The following HAT1 variants were observed in gnomAD, a reference collection of about 807,000 sequenced individuals.
HAT1 encodes the protein histone acetyltransferase type B catalytic subunit.
HAT1 carries 20 observed loss-of-function variants against 56.6 expected under a neutral mutation model. The observed-to-expected ratio is 0.35, with a 90% confidence interval of 0.25 to 0.51. The LOEUF is 0.51. Ranked by LOEUF, HAT1 falls within the 20% of genes least tolerant of loss-of-function variation. The pLI is 0.95. For synonymous variants in HAT1, 146 were observed against 165.5 expected, an observed-to-expected ratio of 0.88 and a Z score of 0.91; for missense variants, 408 against 504.3, an observed-to-expected ratio of 0.81 and a Z score of 1.83.
chr2:171,966,903 A>T lies in HAT1; in HGVS notation c.777A>T (p.Thr259=), dbSNP rs1330018447. ...GCCATGGTGCTCAACTTCTTGAAAC[A>T]GTTCATAGATACTACACTGAATTTC... The part of the protein sequence containing the change: ...GQGHGAQLLE[T]VHRYYTEFPT... The change falls in exon 8 of 11, where the codon ACA becomes ACT. Residue 259 remains threonine (T), a synonymous_variant. Coordinates refer to ENST00000264108, the MANE Select transcript of HAT1 (RefSeq NM_003642.4). The T allele has an allele frequency of 1.3e-6, 2 of 1,591,386 alleles. No individual in the cohort carries two copies. Among genetic ancestry groups the T allele is most frequent in the Non-Finnish European group, 1.7e-6 (2 of 1,159,860 alleles).
chr2:171,941,901 A>AT (rs539190594), intron 2 of HAT1, among the ~76,000 whole-genome samples: 4 of 151,566 alleles, frequency 2.6e-5, no homozygotes, highest in Admixed American at 1.3e-4. Flanking sequence ...AGTGACATAG[A>AT]TTTTTTTTGT....
intron 2 of HAT1, among the ~76,000 whole-genome samples, chr2:171,935,954 A>T (rs955890971): frequency 6.6e-6 from 1 of 152,150 alleles, no homozygotes; most frequent in Non-Finnish European, 1.5e-5. Context: ...TGATGGTAAG[A>T]TGGTACAATG....
Position 171,943,230 on chromosome 2 carries a change from C to T in HAT1, c.113-3478C>T, listed in dbSNP as rs1221832874. 6.0e-5 allele frequency among the ~76,000 whole-genome samples: 9 copies of T among 150,700 alleles called. No homozygotes were observed. In the South Asian group the frequency reaches 6.3e-4, roughly 11 times the overall value. On this transcript the variant is annotated intron_variant, in intron 2 of 10. Transcript: ENST00000264108. ...CAGCCTGGCCAACATGGTGAAACCC[C>T]GTCTCTACTAAAAATACAAAAATTA...
At chr2:171,942,160 C>T (rs1287249102) in intron 2 of HAT1, among the ~76,000 whole-genome samples, 2 of 152,192 alleles carry the variant, frequency 1.3e-5, no homozygotes, top group Non-Finnish European at 2.9e-5. Flanking sequence ...CTGCCTTGGC[C>T]TCCCAAAGTG....
chr2:171,933,858 T>G (rs1686802355), intron 2 of HAT1, among the ~76,000 whole-genome samples: 7 of 152,192 alleles, frequency 4.6e-5, no homozygotes, highest in Admixed American at 4.6e-4. Context: ...CACTGAAAAA[T>G]AATTTATAGT....
At chr2:171,955,994 G>T (rs143663792) in intron 4 of HAT1, among the ~76,000 whole-genome samples, 3,257 of 151,856 alleles carry the variant, frequency 0.021, 57 homozygotes, top group Middle Eastern at 0.037. Context: ...GCGGTGAGCC[G>T]ATATCGCGCC....
At chr2:171,954,586 T>C (rs1687395110) in intron 4 of HAT1, among the ~76,000 whole-genome samples, 1 of 152,078 alleles carries the variant, frequency 6.6e-6, no homozygotes. Context: ...CTCGGGAGGC[T>C]AAGGCAGGAG....
At position 171,970,435 on chromosome 2, in the gene HAT1, A is replaced by G. The variant is rs550208083; in HGVS notation, c.823+3486A>G. Among the ~76,000 whole-genome samples the G allele has an allele frequency of 2.7e-5, 4 of 146,536 alleles. No individual in the cohort carries two copies. In the East Asian group the frequency reaches 8.5e-4, roughly 31 times the overall value. ...CACACAGATTCACACACACATACAC[A>G]CACACAGCCATACACACATACACTA... On this transcript the variant is annotated intron_variant, in intron 8 of 10. Coordinates refer to ENST00000264108, the MANE Select transcript of HAT1 (RefSeq NM_003642.4).
intron 6 of HAT1, 196 bp downstream of exon 6, chr2:171,966,104 C>T (rs994985499): frequency 1.9e-5 from 11 of 588,890 alleles, no homozygotes; most frequent in Admixed American, 3.2e-5. Flanking sequence ...TGCTGTTGTC[C>T]GTTAGGGCCC....
intron 2 of HAT1, among the ~76,000 whole-genome samples, chr2:171,930,795 T>C (rs899400934): frequency 5.3e-5 from 8 of 151,848 alleles, no homozygotes; most frequent in Non-Finnish European, 1.0e-4. Context: ...TTTTTTTTTT[T>C]CTAGGGACAG....
Position 171,965,351 on chromosome 2 carries a change from A to C in HAT1, c.323A>C (p.Glu108Ala). ...TTTATTCTTTAGGCAGATGATGTTG[A>C]GGGCAAAATTAGACAAATCATTCCA... is the stretch of plus-strand genomic sequence containing the variant. ...NFDCVEADDV[E>A]GKIRQIIPPG... The change falls in exon 5 of 11, where the codon GAG (glutamate) becomes GCG (alanine). Residue 108 changes from glutamate (E) to alanine (A), a missense_variant. Transcript: ENST00000264108. 4 of 1,599,958 alleles carry C rather than the reference A, an allele frequency of 2.5e-6. No individual in the cohort carries two copies. Among genetic ancestry groups the C allele is most frequent in the Non-Finnish European group, 3.4e-6 (4 of 1,169,920 alleles).
chr2:171,954,068 C>G lies in HAT1; in HGVS notation c.309+1067C>G, dbSNP rs906767603. 1.3e-5 allele frequency among the ~76,000 whole-genome samples: 2 copies of G among 152,214 alleles called. 1 individual carries two copies. The highest frequency in any genetic ancestry group is 2.9e-5 in the Non-Finnish European group (2 of 68,034). ...GGAGGCATTTGCCTCCCTGTCATTA[C>G]AGTTAATCCTGTGATCATGATCCTG... On this transcript the variant is annotated intron_variant, in intron 4 of 10. Transcript: ENST00000264108.
rs139935102 is a variant in HAT1 at position 171,979,136 on chromosome 2, C to T, written c.976-111C>T. ...ACTTTTATTGCCTTTCCTCTGGTTTCTAGCACAATTCCTTGCTCATGGCAG... is the reference window on the plus strand; with the variant it reads ...ACTTTTATTGCCTTTCCTCTGGTTTTTAGCACAATTCCTTGCTCATGGCAG... On this transcript the variant is annotated intron_variant, in intron 9 of 10. Transcript: ENST00000264108. The T allele has an allele frequency of 7.2e-4, 471 of 658,700 alleles. 1 individual carries two copies. The highest frequency in any genetic ancestry group is 9.7e-4 in the Non-Finnish European group (355 of 365,670). The allele number at this position is 658,700 out of a possible 1,614,324, so 40.8% of individuals were successfully genotyped here.
At chr2:171,935,515 CAAAA>C (rs56220004) in intron 2 of HAT1, among the ~76,000 whole-genome samples, 2 of 55,648 alleles carry the variant, frequency 3.6e-5, no homozygotes, top group East Asian at 6.3e-4. Flanking sequence ...AACTCCATCT[CAAAA>C]AAAAAAAAAA....
At chr2:171,960,335 C>T (rs1014902815) in intron 4 of HAT1, among the ~76,000 whole-genome samples, 3 of 151,914 alleles carry the variant, frequency 2.0e-5, no homozygotes, top group African/African-American at 7.3e-5. Flanking sequence ...TGCCCAAGTT[C>T]AATTATGGTA....
At chr2:171,952,847 A>C in intron 3 of HAT1, 34 bp from the exon 4 acceptor site, 1 of 1,515,582 alleles carries the variant, frequency 6.6e-7, no homozygotes, top group South Asian at 1.3e-5. Context: ...GACTGCAAAA[A>C]TTCATTCCAT....
At chr2:171,946,895 T>C in intron 3 of HAT1, 112 bp downstream of exon 3, 1 of 606,216 alleles carries the variant, frequency 1.6e-6, no homozygotes, top group Non-Finnish European at 2.9e-6. Flanking sequence ...TTAATGTGGT[T>C]TATCTTAAAA....
intron 2 of HAT1, among the ~76,000 whole-genome samples, chr2:171,935,991 A>G (rs1246577848): frequency 6.6e-6 from 1 of 152,156 alleles, no homozygotes; most frequent in East Asian, 1.9e-4. Flanking sequence ...AGGAGGTATA[A>G]TTGTCAATAA....
chr2:171,955,363 G>A (rs1439807407), intron 4 of HAT1, among the ~76,000 whole-genome samples: 1 of 152,150 alleles, frequency 6.6e-6, no homozygotes, highest in African/African-American at 2.4e-5. Flanking sequence ...TGTAATCCCA[G>A]CAATTTAGAA....
Sources: allele counts gnomAD v4.1 joint callset (sites outside exome capture counted in the v4.1 genomes callset), GRCh38; gene constraint gnomAD v4.1.1; transcripts MANE v1.5; gene names NCBI Gene and HGNC (gene_info 2026-07-23, HGNC 2026-07-21).